The following ENPP6 variants were observed in gnomAD, a reference collection of about 807,000 sequenced individuals.
ENPP6 encodes glycerophosphocholine cholinephosphodiesterase ENPP6.
ENPP6 carries 32 observed loss-of-function variants against 42.0 expected under a neutral mutation model. The observed-to-expected ratio is 0.76, with a 90% CI of 0.58 to 1.02. ENPP6 has a LOEUF of 1.02. Ranked by LOEUF, ENPP6 falls within the 50% of genes least tolerant of loss-of-function variation. The pLI is 0.00. For missense variants in ENPP6, 552 were observed against 566.8 expected (o/e 0.97, Z 0.27); for synonymous variants, 213 against 216.0 (o/e 0.99, Z 0.12).
chr4:184,159,970 A>G (rs1204881943), intron 1 of ENPP6, among the ~76,000 whole-genome samples: 2 of 152,252 alleles, frequency 1.3e-5, no homozygotes, highest in African/African-American at 4.8e-5. Context: ...AGTTGCTGCT[A>G]AAGACATTAT....
At position 184,184,178 on chromosome 4, in the gene ENPP6, G is replaced by A. The variant is rs1486895892; in HGVS notation, c.242-30445C>T. The stretch of plus-strand genomic sequence containing the variant: ...AGCGGTAAGTTTTATCTTAACTACC[G>A]CAGTCACTGTGAGAGTCAGCAGAAA... On this transcript the variant is annotated intron_variant, in intron 1 of 7. Coordinates refer to ENST00000296741, the MANE Select transcript of ENPP6 (RefSeq NM_153343.4). This position sits in a 1 kb window ranked among gnomAD's most constrained non-coding sequence, Gnocchi z 4.7. Among the ~76,000 whole-genome samples, 4 of 152,126 alleles carry A rather than the reference G, an allele frequency of 2.6e-5. No individual in the cohort carries two copies. Among genetic ancestry groups the A allele is most frequent in the East Asian group, 1.9e-4 (1 of 5,186 alleles).
At chr4:184,138,744 G>A (rs1232417883) in intron 2 of ENPP6, among the ~76,000 whole-genome samples, 1 of 152,200 alleles carries the variant, frequency 6.6e-6, no homozygotes, top group Non-Finnish European at 1.5e-5. Flanking sequence ...AGCAGAAGCT[G>A]TACTCTATGG....
intron 5 of ENPP6, among the ~76,000 whole-genome samples, chr4:184,113,084 A>G (rs1358428019): frequency 6.6e-6 from 1 of 152,198 alleles, no homozygotes; most frequent in East Asian, 1.9e-4. Context: ...ACCTGTAGCC[A>G]TGTGGAGGAA....
At chr4:184,163,052 G>A (rs373196918) in intron 1 of ENPP6, among the ~76,000 whole-genome samples, 1 of 152,220 alleles carries the variant, frequency 6.6e-6, no homozygotes, top group Non-Finnish European at 1.5e-5. Context: ...GAAACCAGAG[G>A]AGGGCAGACA....
chr4:184,110,095 G>A (rs1346562017), intron 6 of ENPP6, among the ~76,000 whole-genome samples: 3 of 152,176 alleles, frequency 2.0e-5, no homozygotes, highest in Admixed American at 6.5e-5. Flanking sequence ...GTCCTCAGAC[G>A]TGTCACTGGG....
chr4:184,169,588 T>C (rs1255732013), intron 1 of ENPP6, among the ~76,000 whole-genome samples: 1 of 152,194 alleles, frequency 6.6e-6, no homozygotes, highest in African/African-American at 2.4e-5. Context: ...CTGGCCACCT[T>C]GCCCTCCTCC....
intron 1 of ENPP6, among the ~76,000 whole-genome samples, chr4:184,176,142 T>G (rs1737558641): frequency 6.6e-6 from 1 of 152,128 alleles, no homozygotes. Flanking sequence ...AACGGAGAGT[T>G]GGAGTGGTTG....
At chr4:184,168,271 C>T (rs1033489377) in intron 1 of ENPP6, among the ~76,000 whole-genome samples, 3 of 151,728 alleles carry the variant, frequency 2.0e-5, no homozygotes, top group African/African-American at 7.3e-5. Flanking sequence ...ACGATGTCTT[C>T]CGCACGATGT....
At chr4:184,152,906 G>A (rs560255119) in intron 2 of ENPP6, among the ~76,000 whole-genome samples, 1 of 148,304 alleles carries the variant, frequency 6.7e-6, no homozygotes, top group East Asian at 2.1e-4. Flanking sequence ...GGAGCTCAAT[G>A]ACGTATGGAA....
intron 1 of ENPP6, among the ~76,000 whole-genome samples, chr4:184,209,000 T>G: frequency 7.1e-6 from 1 of 141,496 alleles, no homozygotes; most frequent in Admixed American, 7.2e-5. Context: ...CGGCAGGGTA[T>G]TCCAACAGAC....
Position 184,097,227 on chromosome 4 carries a change from G to A in ENPP6, c.1117+18C>T, listed in dbSNP as rs367901216. On this transcript the variant is annotated intron_variant, in intron 7 of 7. Coordinates refer to ENST00000296741, the MANE Select transcript of ENPP6 (RefSeq NM_153343.4). Reference sequence around the variant, plus strand: ...TTGGGAATGGGGTCTGAGAGCATCTGGTCATTTCCTCGCCTACCAGGTCCG... The same window carrying A: ...TTGGGAATGGGGTCTGAGAGCATCTAGTCATTTCCTCGCCTACCAGGTCCG... The A allele has an allele frequency of 6.0e-5, 97 of 1,613,956 alleles. No homozygotes were observed. The African/African-American group carries it at 1.2e-3, about 20-fold the overall frequency.
In ENPP6 at chr4:184,088,832, T is replaced by C. The variant is rs77835619; in HGVS notation, c.*2345A>G. On this transcript the variant is annotated 3_prime_UTR_variant, in exon 8 of 8. Coordinates refer to ENST00000296741, the MANE Select transcript of ENPP6 (RefSeq NM_153343.4). ...ATTTATTCAGTTGAGTAATTACACT[T>C]TGTCAGACAAATATCTAAAGTTTTA... The C allele has an allele frequency of 1.1e-4, 17 of 152,358 alleles. No homozygotes were observed. Among genetic ancestry groups the C allele is most frequent in the Non-Finnish European group, 2.2e-4 (15 of 68,040 alleles). The allele number at this position is 152,358 out of a possible 1,614,324, so 9.4% of individuals were successfully genotyped here.
At chr4:184,200,645 G>T (rs1222580293) in intron 1 of ENPP6, among the ~76,000 whole-genome samples, 1 of 152,248 alleles carries the variant, frequency 6.6e-6, no homozygotes, top group Non-Finnish European at 1.5e-5. Context: ...GACTGTGGCA[G>T]TCAGGAGAAG....
At chr4:184,158,916 T>C (rs575142083) in intron 1 of ENPP6, among the ~76,000 whole-genome samples, 1 of 152,364 alleles carries the variant, frequency 6.6e-6, no homozygotes, top group South Asian at 2.1e-4. Flanking sequence ...TCAGTGTCAA[T>C]ATTCACATGG....
chr4:184,141,276 TG>T (rs1274623794), intron 2 of ENPP6, among the ~76,000 whole-genome samples: 1 of 152,146 alleles, frequency 6.6e-6, no homozygotes, highest in Non-Finnish European at 1.5e-5. Context: ...ATCTGTGAAG[TG>T]GGCGAGCATT....
chr4:184,138,379 C>T (rs972949444), intron 2 of ENPP6, among the ~76,000 whole-genome samples: 1 of 152,210 alleles, frequency 6.6e-6, no homozygotes, highest in Non-Finnish European at 1.5e-5. Flanking sequence ...CAGCTGACAA[C>T]TCAATTAAGT....
At chr4:184,139,647 A>G (rs1473706586) in intron 2 of ENPP6, among the ~76,000 whole-genome samples, 2 of 81,020 alleles carry the variant, frequency 2.5e-5, no homozygotes, top group Admixed American at 1.0e-4. Flanking sequence ...ACTGAGAATG[A>G]TGATTTCCAA....
chr4:184,131,753 GTC>G (rs1377583515), intron 2 of ENPP6, among the ~76,000 whole-genome samples: 1 of 151,428 alleles, frequency 6.6e-6, no homozygotes, highest in East Asian at 1.9e-4. Flanking sequence ...CCATTTCAGT[GTC>G]TGTGACTATC....
intron 1 of ENPP6, among the ~76,000 whole-genome samples, chr4:184,186,060 A>G (rs1369875304): frequency 1.3e-5 from 2 of 152,246 alleles, no homozygotes; most frequent in Non-Finnish European, 1.5e-5. Flanking sequence ...AGAGAAACCT[A>G]TATTTCTCAG....
Sources: gnomAD v4.1 joint callset for allele counts (sites outside exome capture counted in the v4.1 genomes callset) on GRCh38, gnomAD v4.1.1 for gene constraint, Gnocchi (gnomAD v3.1) non-coding constraint, MANE v1.5 for transcripts, NCBI Gene and HGNC (gene_info 2026-07-23, HGNC 2026-07-21) for gene names.